The following APBA1 variants were observed in gnomAD, a reference collection of about 807,000 sequenced individuals.
APBA1 encodes amyloid-beta A4 precursor protein-binding family A member 1.
Under a neutral mutation model 86.6 loss-of-function variants are expected in APBA1, and 55 were observed. That is an observed-to-expected ratio of 0.64 (90% CI 0.51 to 0.80). APBA1 has a LOEUF of 0.80. Among genes scored for constraint, APBA1 ranks in the 30% least tolerant of loss-of-function variants. The probability of loss-of-function intolerance (pLI) is 0.00; values close to 1 mark genes in which losing one functional copy is unlikely to be tolerated. For missense variants in APBA1, 1,090 were observed against 1,183.0 expected (o/e 0.92, Z 1.15); for synonymous variants, 511 against 493.9 (o/e 1.03, Z -0.46).
Position 69,539,919 on chromosome 9 carries a change from G to A in APBA1, c.-69-22640C>T, listed in dbSNP as rs930684443. ...GGATCTACTGAGGTCAGGAGTTCAA[G>A]ACCAGCCTGGCCAATGTGGTGAAAC... On this transcript the variant is annotated intron_variant, in intron 1 of 12. Transcript: ENST00000265381. Among the ~76,000 whole-genome samples, 78 of 152,118 alleles carry A rather than the reference G, an allele frequency of 5.1e-4. 1 individual carries two copies. The highest frequency in any genetic ancestry group is 4.7e-3 in the Admixed American group (72 of 15,280).
chr9:69,563,225 T>C (rs1198345663), intron 1 of APBA1, among the ~76,000 whole-genome samples: 1 of 152,192 alleles, frequency 6.6e-6, no homozygotes, highest in East Asian at 1.9e-4. Context: ...CCATTATTAA[T>C]AAACTTAAGA....
chr9:69,606,791 C>T (rs900540141), intron 1 of APBA1, among the ~76,000 whole-genome samples: 6 of 152,152 alleles, frequency 3.9e-5, no homozygotes, highest in East Asian at 1.9e-4. Flanking sequence ...CGTGCCTGGC[C>T]GGGAGCTGGC....
chr9:69,612,216 G>C (rs1404902817), intron 1 of APBA1, among the ~76,000 whole-genome samples: 1 of 151,978 alleles, frequency 6.6e-6, no homozygotes, highest in Non-Finnish European at 1.5e-5. Context: ...GATATTCACA[G>C]ACTATAAAAA....
intron 2 of APBA1, 82 bp downstream of exon 2, chr9:69,515,913 TCCCGTAAAGTCACTAC>T: frequency 4.6e-6 from 6 of 1,315,650 alleles, no homozygotes; most frequent in Non-Finnish European, 5.1e-6. Flanking sequence ...ACAGACTACT[TCCCGTAAAGTCACTAC>T]CCAAGGGCAC....
intron 1 of APBA1, among the ~76,000 whole-genome samples, chr9:69,563,425 T>C (rs1288958854): frequency 6.6e-6 from 1 of 152,194 alleles, no homozygotes; most frequent in African/African-American, 2.4e-5. Context: ...AGCACAACTT[T>C]CATCAAGATC....
Position 69,456,335 on chromosome 9 carries a change from T to C in APBA1, c.1700A>G (p.Asn567Ser). Reference sequence around the variant, plus strand: ...GGACGCTTCCACGTTCTCCTGGGAGTTGGAGCGAGGCATCCGCCGGCGGGC... The same window carrying C: ...GGACGCTTCCACGTTCTCCTGGGAGCTGGAGCGAGGCATCCGCCGGCGGGC... Reference protein sequence around the residue: ...LMARRRMPRSNSQENVEASHP... With the variant: ...LMARRRMPRSSSQENVEASHP... Residue 567 changes from asparagine to serine, a missense_variant, in exon 8 of 13, where the codon AAC (asparagine) becomes AGC (serine). Coordinates refer to ENST00000265381, the MANE Select transcript of APBA1 (RefSeq NM_001163.4). The C allele has an allele frequency of 6.2e-7, 1 of 1,614,064 alleles. No homozygotes were observed. Among genetic ancestry groups the C allele is most frequent in the Non-Finnish European group, 8.5e-7 (1 of 1,180,008 alleles).
rs534687758 is a variant in APBA1 at position 69,629,004 on chromosome 9, G to A, written c.-70+43149C>T. The stretch of plus-strand genomic sequence containing the variant: ...CAATTATATTTTTTAGGCTTTTAAC[G>A]ATTTCTTCATATCTTTTTATAGAAT... On this transcript the variant is annotated intron_variant, in intron 1 of 12. Transcript: ENST00000265381. 5.9e-5 allele frequency among the ~76,000 whole-genome samples: 9 copies of A among 152,132 alleles called. No homozygotes were observed. The South Asian group carries it at 1.5e-3, about 25-fold the overall frequency.
Position 69,516,644 on chromosome 9 carries a change from G to A in APBA1, c.567C>T (p.Asp189=). The A allele has an allele frequency of 1.9e-6, 3 of 1,608,958 alleles. No homozygotes were observed. The highest frequency in any genetic ancestry group is 2.5e-6 in the Non-Finnish European group (3 of 1,179,182). ...EDEPYSEPYA[D]YGGLQEHVYE... ...ACACGTGCTCCTGGAGGCCGCCGTA[G>A]TCGGCATAGGGCTCGGAGTAGGGCT... Residue 189 remains aspartate, a synonymous_variant, in exon 2 of 13, where the codon GAC becomes GAT. Transcript: ENST00000265381. The surrounding 1 kb of genome is among the most constrained non-coding windows in gnomAD (Gnocchi z 7.3).
At chr9:69,469,009 C>G (rs1202067792) in intron 4 of APBA1, among the ~76,000 whole-genome samples, 1 of 151,912 alleles carries the variant, frequency 6.6e-6, no homozygotes, top group Non-Finnish European at 1.5e-5. Context: ...AAACTACAGG[C>G]ACTACCATGC....
chr9:69,587,664 C>T (rs1351696297), intron 1 of APBA1, among the ~76,000 whole-genome samples: 2 of 152,130 alleles, frequency 1.3e-5, no homozygotes, highest in East Asian at 1.9e-4. Context: ...ATAAGATTCT[C>T]CAGTACTTCC....
At chr9:69,561,338 A>C (rs1836942926) in intron 1 of APBA1, among the ~76,000 whole-genome samples, 1 of 152,236 alleles carries the variant, frequency 6.6e-6, no homozygotes, top group South Asian at 2.1e-4. Context: ...AGGAAAAAAC[A>C]GCTTACTGAC....
At chr9:69,543,744 T>G (rs1331193479) in intron 1 of APBA1, among the ~76,000 whole-genome samples, 1 of 152,108 alleles carries the variant, frequency 6.6e-6, no homozygotes, top group Admixed American at 6.5e-5. Context: ...ATTGGTGGGG[T>G]TAGGATTTTA....
At chr9:69,580,551 C>A (rs1564082952) in intron 1 of APBA1, among the ~76,000 whole-genome samples, 1 of 152,114 alleles carries the variant, frequency 6.6e-6, no homozygotes, top group Admixed American at 6.6e-5. Context: ...GTGATTAGTA[C>A]CCTATTATTC....
At chr9:69,554,118 A>G (rs1836826860) in intron 1 of APBA1, among the ~76,000 whole-genome samples, 1 of 152,210 alleles carries the variant, frequency 6.6e-6, no homozygotes, top group Non-Finnish European at 1.5e-5. Context: ...ACATTGAAAA[A>G]AGCAACATAT....
At chr9:69,475,916 G>T in intron 3 of APBA1, 132 bp downstream of exon 3, 2 of 736,732 alleles carry the variant, frequency 2.7e-6, no homozygotes, top group Non-Finnish European at 4.8e-6. Flanking sequence ...CACTGGAGAG[G>T]AGAAATCAGG....
At chr9:69,504,293 C>T (rs1588325735) in intron 2 of APBA1, among the ~76,000 whole-genome samples, 2 of 152,152 alleles carry the variant, frequency 1.3e-5, no homozygotes, top group East Asian at 3.9e-4. Context: ...TTCATAATTT[C>T]CCCTTCTGTT....
intron 1 of APBA1, among the ~76,000 whole-genome samples, chr9:69,661,031 T>C (rs1006572296): frequency 9.8e-5 from 15 of 152,332 alleles, no homozygotes; most frequent in African/African-American, 3.1e-4. Flanking sequence ...TTTTAGATGG[T>C]TGCAAAAAGT....
At chr9:69,463,761 G>A (rs1376563406) in intron 5 of APBA1, 4 of 152,240 alleles carry the variant, frequency 2.6e-5, no homozygotes, top group Non-Finnish European at 5.9e-5. Flanking sequence ...AGGGAAGAAG[G>A]AGGAATCAGA....
chr9:69,641,823 T>C (rs986754625), intron 1 of APBA1, among the ~76,000 whole-genome samples: 1 of 152,170 alleles, frequency 6.6e-6, no homozygotes, highest in Non-Finnish European at 1.5e-5. Flanking sequence ...AACTTTGGGC[T>C]AGGTGAAGAT....
Sources: gnomAD v4.1 joint callset for allele counts (sites outside exome capture counted in the v4.1 genomes callset) on GRCh38, gnomAD v4.1.1 for gene constraint, Gnocchi (gnomAD v3.1) non-coding constraint, MANE v1.5 for transcripts, NCBI Gene and HGNC (gene_info 2026-07-23, HGNC 2026-07-21) for gene names.